OXR1: variants seen among roughly 807,000 people sequenced by gnomAD.
OXR1 encodes oxidation resistance protein 1.
In OXR1, 41 loss-of-function variants were observed where a neutral mutation model predicts 104.6. The ratio of observed to expected loss-of-function variants is 0.39; its 90% CI spans 0.31 to 0.51. The LOEUF (loss-of-function observed/expected upper bound fraction) is 0.51. OXR1 is among the 20% of genes least tolerant of loss of function. OXR1 has a pLI of 0.77. For missense variants in OXR1, 955 were observed against 1,031.9 expected, an observed-to-expected ratio of 0.93 and a Z score of 1.02; for synonymous variants, 348 against 348.4, an observed-to-expected ratio of 1.00 and a Z score of 0.01.
chr8:106,588,780 C>T (rs1041464217), intron 3 of OXR1, among the ~76,000 whole-genome samples: 6 of 152,098 alleles, frequency 3.9e-5, no homozygotes, highest in African/African-American at 9.7e-5. Flanking sequence ...CGCCCAGCCT[C>T]TCATTTAATT....
chr8:106,519,861 ACTTT>A (rs953498018), intron 3 of OXR1, among the ~76,000 whole-genome samples: 1 of 152,218 alleles, frequency 6.6e-6, no homozygotes, highest in Non-Finnish European at 1.5e-5. Flanking sequence ...CAAATTACCA[ACTTT>A]AGTGTACCAT....
At chr8:106,486,250 T>A (rs78510936) in intron 2 of OXR1, among the ~76,000 whole-genome samples, 1,904 of 152,218 alleles carry the variant, frequency 0.013, 42 homozygotes, top group East Asian at 0.082. Context: ...TGTGATTTTT[T>A]AAAAAATAAA....
At chr8:106,721,996 T>C (rs954651247) in intron 11 of OXR1, among the ~76,000 whole-genome samples, 2 of 152,182 alleles carry the variant, frequency 1.3e-5, no homozygotes, top group Admixed American at 1.3e-4. Flanking sequence ...CCAGAAAACT[T>C]CTACAACCGT....
chr8:106,472,797 T>C (rs897728707), intron 2 of OXR1, among the ~76,000 whole-genome samples: 2 of 151,860 alleles, frequency 1.3e-5, no homozygotes, highest in African/African-American at 4.8e-5. Flanking sequence ...TTCTCTTTGT[T>C]AAGCCAGAGT....
chr8:106,657,949 C>T (rs1586983886), intron 3 of OXR1: 1 of 1,248,040 alleles, frequency 8.0e-7, no homozygotes, highest in Non-Finnish European at 1.0e-6. Context: ...AACCGTCGAC[C>T]TCCTGGGCCC....
intron 2 of OXR1, among the ~76,000 whole-genome samples, chr8:106,469,499 T>C (rs1165617652): frequency 6.6e-6 from 1 of 151,856 alleles, no homozygotes; most frequent in African/African-American, 2.4e-5. Flanking sequence ...TATTGGCTTA[T>C]AGCTCAATTA....
At chr8:106,511,429 G>A (rs1047025010) in intron 2 of OXR1, among the ~76,000 whole-genome samples, 1 of 152,142 alleles carries the variant, frequency 6.6e-6, no homozygotes, top group African/African-American at 2.4e-5. Flanking sequence ...GTAACAAGAT[G>A]TGCAAACCAC....
At chr8:106,693,002 T>A (rs905048837) in intron 7 of OXR1, 125 bp downstream of exon 7, 3 of 579,360 alleles carry the variant, frequency 5.2e-6, no homozygotes, top group Non-Finnish European at 8.4e-6. Flanking sequence ...AGAAAGGTAC[T>A]AGTGATACTA....
chr8:106,615,446 A>G (rs1821137705), intron 3 of OXR1, among the ~76,000 whole-genome samples: 1 of 151,940 alleles, frequency 6.6e-6, no homozygotes, highest in African/African-American at 2.4e-5. Context: ...AAAAAAAGAA[A>G]AAAAGATGGC....
intron 8 of OXR1, 67 bp downstream of exon 8, chr8:106,703,157 C>G (rs1201597920): frequency 9.8e-7 from 1 of 1,016,794 alleles, no homozygotes; most frequent in East Asian, 2.4e-5. Flanking sequence ...TGTCTAATAC[C>G]TTAACTATTT....
At chr8:106,384,713 A>G (rs751677917) in intron 2 of OXR1, among the ~76,000 whole-genome samples, 1 of 149,646 alleles carries the variant, frequency 6.7e-6, no homozygotes. Context: ...CTGTCTTAAA[A>G]TTCTTTTTTT....
At chr8:106,496,607 A>T (rs1045061533) in intron 2 of OXR1, among the ~76,000 whole-genome samples, 2 of 152,182 alleles carry the variant, frequency 1.3e-5, no homozygotes, top group Non-Finnish European at 2.9e-5. Flanking sequence ...TGCAGAAGTG[A>T]TGCATATCGC....
At chr8:106,507,818 T>C (rs1812271129) in intron 2 of OXR1, among the ~76,000 whole-genome samples, 1 of 152,188 alleles carries the variant, frequency 6.6e-6, no homozygotes, top group African/African-American at 2.4e-5. Flanking sequence ...CATCCCTTCC[T>C]TTGTGCGTAA....
rs191425165 is a variant in OXR1, at chr8:106,726,845, G to C, written c.1957-10675G>C. The stretch of plus-strand genomic sequence containing the variant: ...AGGAAATTCAGTCAACCATACTATT[G>C]TAAGAATTTTATTTATTTTTCTGTA... On this transcript the variant is annotated intron_variant, in intron 11 of 16. Coordinates refer to ENST00000517566, the MANE Select transcript of OXR1 (RefSeq NM_001198533.2). Among the ~76,000 whole-genome samples, 276 of 152,218 alleles carry C rather than the reference G, an allele frequency of 1.8e-3. 1 individual carries two copies. In the Middle Eastern group the frequency reaches 0.044, roughly 24 times the overall value.
chr8:106,339,540 ATATATATATATATAT>A (rs1815147420), intron 1 of OXR1, among the ~76,000 whole-genome samples: 4 of 126,722 alleles, frequency 3.2e-5, no homozygotes, highest in African/African-American at 9.1e-5. Flanking sequence ...ATATATATAT[ATATATATATATATAT>A]AAAACGAAAT....
intron 3 of OXR1, among the ~76,000 whole-genome samples, chr8:106,655,070 T>C (rs1257549184): frequency 6.6e-6 from 1 of 152,134 alleles, no homozygotes; most frequent in African/African-American, 2.4e-5. Flanking sequence ...AAGCATTATA[T>C]GAAATGTCTA....
intron 3 of OXR1, among the ~76,000 whole-genome samples, chr8:106,633,219 G>A (rs1393219533): frequency 1.3e-5 from 2 of 151,708 alleles, no homozygotes; most frequent in African/African-American, 2.4e-5. Context: ...GCGACACAGT[G>A]AGATTCCATC....
intron 1 of OXR1, among the ~76,000 whole-genome samples, chr8:106,348,588 G>T (rs1424854025): frequency 6.6e-6 from 1 of 151,962 alleles, no homozygotes; most frequent in Admixed American, 6.6e-5. Flanking sequence ...CATTAAAATT[G>T]ATTGTAGATT....
intron 2 of OXR1, among the ~76,000 whole-genome samples, chr8:106,425,763 G>T (rs1258668905): frequency 1.3e-5 from 2 of 152,156 alleles, no homozygotes; most frequent in Admixed American, 1.3e-4. Context: ...TGAGTTCTTG[G>T]TATCATCACT....
Sources: allele counts gnomAD v4.1 joint callset (sites outside exome capture counted in the v4.1 genomes callset), GRCh38; gene constraint gnomAD v4.1.1; transcripts MANE v1.5; gene names NCBI Gene and HGNC (gene_info 2026-07-23, HGNC 2026-07-21).